NADSYN1: variants seen among roughly 807,000 people sequenced by gnomAD.
The protein encoded by NADSYN1 is glutamine-dependent NAD(+) synthetase.
A neutral mutation model predicts 99.3 loss-of-function variants in NADSYN1; 80 were observed. The observed-to-expected ratio is 0.81, with a 90% CI of 0.67 to 0.97. The LOEUF (loss-of-function observed/expected upper bound fraction) is 0.97. Among genes scored for constraint, NADSYN1 ranks in the 50% least tolerant of loss-of-function variants. The probability of loss-of-function intolerance (pLI) is 0.00; values close to 1 mark genes in which losing one functional copy is unlikely to be tolerated. For synonymous variants in NADSYN1, 385 were observed against 372.1 expected (o/e 1.03, Z -0.40); for missense variants, 859 against 948.5 (o/e 0.91, Z 1.24).
Position 71,481,395 on chromosome 11 carries a change from A to G in NADSYN1, c.1038A>G (p.Arg346=), listed in dbSNP as rs374137929. ...GCTGGCTCTGGGATTTTTTAAGACG[A>G]AGTCAACAGGTAAGACTTCCAGTTT... ...PACWLWDFLR[R]SQQAGFLLPL... Residue 346 remains arginine (R), a synonymous_variant, in exon 12 of 21, where the codon CGA becomes CGG. Transcript: ENST00000319023. 1.9e-5 allele frequency: 30 copies of G among 1,613,614 alleles called. No homozygotes were observed. Among genetic ancestry groups the G allele is most frequent in the Non-Finnish European group, 2.4e-5 (28 of 1,179,966 alleles).
chr11:71,466,358 T>G (rs1020840811), intron 5 of NADSYN1, among the ~76,000 whole-genome samples: 1 of 152,174 alleles, frequency 6.6e-6, no homozygotes, highest in Admixed American at 6.5e-5. Flanking sequence ...CCCTGTCCCC[T>G]GTCTCCCAGG....
rs57109841 is a variant in NADSYN1 at position 71,453,471 on chromosome 11, T to G, written c.85+90T>G. 853 of 1,233,408 alleles carry G rather than the reference T, an allele frequency of 6.9e-4. 7 individuals carry two copies. The African/African-American group carries it at 0.012, about 17-fold the overall frequency. 76.4% of individuals were successfully genotyped at this position (1,233,408 alleles called of 1,614,324 possible). ...CTTGCCCGTGGCGTGCTCACAGCCT[T>G]GCCCTGGGAAACTCTCGGCCCTGGG... On this transcript the variant is annotated intron_variant, in intron 1 of 20. Transcript: ENST00000319023.
intron 3 of NADSYN1, 58 bp downstream of exon 3, chr11:71,458,602 A>C: frequency 7.9e-7 from 1 of 1,270,976 alleles, no homozygotes; most frequent in Non-Finnish European, 1.2e-6. Context: ...GCTCAAGGGC[A>C]TGACCCACCC....
At chr11:71,483,270 C>T (rs562085410) in intron 14 of NADSYN1, among the ~76,000 whole-genome samples, 2 of 152,312 alleles carry the variant, frequency 1.3e-5, no homozygotes, top group East Asian at 1.9e-4. Context: ...CAGGGCTCCA[C>T]TTTCTCTTGG....
At chr11:71,473,204 G>A (rs1380520923) in intron 6 of NADSYN1, 74 bp from the exon 7 acceptor site, 27 of 1,371,064 alleles carry the variant, frequency 2.0e-5, no homozygotes, top group Admixed American at 1.2e-4. Flanking sequence ...CAGGATGTCC[G>A]TGGCCCTAGG....
intron 3 of NADSYN1, chr11:71,458,943 A>T: frequency 4.8e-6 from 1 of 208,402 alleles, no homozygotes; most frequent in African/African-American, 2.3e-5. Context: ...TCCACAAGGA[A>T]GGCCTCTGCA....
At position 71,472,488 on chromosome 11, in the gene NADSYN1, C is replaced by A; in HGVS notation, c.447C>A (p.Asp149Glu). The change falls in exon 6 of 21, where the codon GAC becomes GAA. Residue 149 changes from aspartate to glutamate, a missense_variant. By Grantham distance (45) the Asp-to-Glu change is conservative (BLOSUM62 2). Coordinates refer to ENST00000319023, the MANE Select transcript of NADSYN1 (RefSeq NM_018161.5). ...EEYFLPRMIQ[D>E]LTKQETVPFG... ...ACTTTCTGCCTCGGATGATACAGGACCTGACAAAGCAGGTGAGTCCCTGGG... is the reference window on the plus strand; with the variant it reads ...ACTTTCTGCCTCGGATGATACAGGAACTGACAAAGCAGGTGAGTCCCTGGG... 2 of 1,613,864 alleles carry A rather than the reference C, an allele frequency of 1.2e-6. No homozygotes were observed. Among genetic ancestry groups the A allele is most frequent in the Non-Finnish European group, 1.7e-6 (2 of 1,179,730 alleles).
At chr11:71,485,067 C>G (rs1949733574) in intron 15 of NADSYN1, 1 of 170,178 alleles carries the variant, frequency 5.9e-6, no homozygotes, top group African/African-American at 2.4e-5. Flanking sequence ...CAGACGCTGT[C>G]TGCCTCCTGA....
chr11:71,483,510 C>T (rs759097633), intron 14 of NADSYN1, among the ~76,000 whole-genome samples: 10 of 152,158 alleles, frequency 6.6e-5, no homozygotes, highest in Admixed American at 2.6e-4. Flanking sequence ...GCCTCTTCCA[C>T]GGGCAGTTCT....
intron 4 of NADSYN1, 38 bp downstream of exon 4, chr11:71,463,523 GC>G (rs1565597041): frequency 6.3e-7 from 1 of 1,590,048 alleles, no homozygotes; most frequent in East Asian, 2.2e-5. Context: ...GGTGACTGGG[GC>G]CTCTCCCTGG....
chr11:71,462,621 T>C (rs1191752686), intron 3 of NADSYN1, among the ~76,000 whole-genome samples: 1 of 152,204 alleles, frequency 6.6e-6, no homozygotes, highest in Non-Finnish European at 1.5e-5. Flanking sequence ...ATGTTCTAAA[T>C]GGACTGAGAC....
intron 15 of NADSYN1, 107 bp from the exon 16 acceptor site, chr11:71,485,435 A>T (rs536711751): frequency 6.0e-6 from 5 of 827,284 alleles, no homozygotes; most frequent in Non-Finnish European, 5.6e-6. Context: ...AACGCTAGAG[A>T]GCTCCTAAGC....
intron 16 of NADSYN1, among the ~76,000 whole-genome samples, chr11:71,486,421 A>G (rs1949743633): frequency 6.6e-6 from 1 of 151,848 alleles, no homozygotes; most frequent in African/African-American, 2.4e-5. Flanking sequence ...CTGTCCATCC[A>G]TTCATCCATC....
intron 2 of NADSYN1, 101 bp downstream of exon 2, chr11:71,455,271 G>A (rs1039882457): frequency 9.6e-7 from 1 of 1,038,722 alleles, no homozygotes; most frequent in South Asian, 1.4e-5. Flanking sequence ...AGTCCTGAGA[G>A]CTGTGGACAC....
intron 16 of NADSYN1, among the ~76,000 whole-genome samples, chr11:71,485,909 C>T (rs568202066): frequency 2.0e-5 from 3 of 152,276 alleles, no homozygotes; most frequent in East Asian, 1.9e-4. Context: ...ATCTTCCCAC[C>T]GCCCTCTGCC....
chr11:71,454,842 T>C (rs1949502506), intron 1 of NADSYN1, among the ~76,000 whole-genome samples: 1 of 152,192 alleles, frequency 6.6e-6, no homozygotes, highest in African/African-American at 2.4e-5. Flanking sequence ...TCCCTGTTTC[T>C]CATTTCCTGC....
At chr11:71,492,771 G>T (rs1949791470) in intron 18 of NADSYN1, among the ~76,000 whole-genome samples, 1 of 152,144 alleles carries the variant, frequency 6.6e-6, no homozygotes, top group Non-Finnish European at 1.5e-5. Context: ...GACGGGGACT[G>T]CATGACACTA....
At chr11:71,489,021 G>A (rs1949762045) in intron 16 of NADSYN1, among the ~76,000 whole-genome samples, 1 of 151,994 alleles carries the variant, frequency 6.6e-6, no homozygotes, top group African/African-American at 2.4e-5. Flanking sequence ...CAGGAGGGGT[G>A]GGTTCAGAGG....
chr11:71,477,358 G>A (rs1220636423), intron 9 of NADSYN1: 1 of 1,289,670 alleles, frequency 7.8e-7, no homozygotes, highest in Non-Finnish European at 1.0e-6. Flanking sequence ...GGTGGCCAGG[G>A]TGCTGTCACT....
Sources: gnomAD v4.1 joint callset for allele counts (sites outside exome capture counted in the v4.1 genomes callset) on GRCh38, gnomAD v4.1.1 for gene constraint, MANE v1.5 for transcripts, NCBI Gene and HGNC (gene_info 2026-07-23, HGNC 2026-07-21) for gene names.